ASCC3: variants seen among roughly 807,000 people sequenced by gnomAD.
The protein encoded by ASCC3 is ASC-1 complex subunit P200.
A neutral mutation model predicts 256.3 loss-of-function variants in ASCC3; 158 were observed. That is an observed-to-expected ratio of 0.62 (90% CI 0.54 to 0.70). ASCC3 has a LOEUF of 0.70. Among genes scored for constraint, ASCC3 ranks in the 30% least tolerant of loss-of-function variants. The probability of loss-of-function intolerance (pLI) is 0.00; values close to 1 mark genes in which losing one functional copy is unlikely to be tolerated. For missense variants in ASCC3, 2,259 were observed against 2,626.0 expected (o/e 0.86, Z 3.05); for synonymous variants, 948 against 883.4 (o/e 1.07, Z -1.30).
chr6:100,812,085 A>C (rs1429534700), intron 4 of ASCC3, among the ~76,000 whole-genome samples: 1 of 152,170 alleles, frequency 6.6e-6, no homozygotes, highest in Non-Finnish European at 1.5e-5. Flanking sequence ...CAACATCAGA[A>C]GCTTAATACT....
chr6:100,630,865 T>C (rs1774505408), intron 26 of ASCC3, among the ~76,000 whole-genome samples: 1 of 152,092 alleles, frequency 6.6e-6, no homozygotes, highest in South Asian at 2.1e-4. Context: ...GAAAAAGTTA[T>C]CCTGCCAAAT....
At chr6:100,811,427 T>G (rs895146499) in intron 4 of ASCC3, among the ~76,000 whole-genome samples, 2 of 152,116 alleles carry the variant, frequency 1.3e-5, no homozygotes, top group East Asian at 1.9e-4. Flanking sequence ...TGATCAGAAT[T>G]TATTCTTTAT....
intron 24 of ASCC3, among the ~76,000 whole-genome samples, chr6:100,639,161 T>G (rs1774991890): frequency 6.6e-6 from 1 of 152,212 alleles, no homozygotes; most frequent in African/African-American, 2.4e-5. Context: ...GTAAAAAAAT[T>G]AAAACCATTT....
chr6:100,566,321 G>C (rs935305409), intron 36 of ASCC3, among the ~76,000 whole-genome samples: 4 of 152,122 alleles, frequency 2.6e-5, no homozygotes, highest in Non-Finnish European at 4.4e-5. Context: ...GGATTAAATA[G>C]CTTGCCAGTT....
chr6:100,733,296 T>C (rs1779993065), intron 10 of ASCC3, among the ~76,000 whole-genome samples: 1 of 152,162 alleles, frequency 6.6e-6, no homozygotes, highest in South Asian at 2.1e-4. Flanking sequence ...TCTTGTTCAG[T>C]GAAATTTGTT....
chr6:100,775,151 T>C (rs1036550862), intron 8 of ASCC3, among the ~76,000 whole-genome samples: 1 of 152,142 alleles, frequency 6.6e-6, no homozygotes, highest in African/African-American at 2.4e-5. Flanking sequence ...GGGATGTAAC[T>C]GTGACCAAAA....
intron 36 of ASCC3, among the ~76,000 whole-genome samples, chr6:100,562,502 T>C (rs1178812407): frequency 2.0e-5 from 3 of 152,118 alleles, no homozygotes; most frequent in East Asian, 1.9e-4. Context: ...AAGTGATCTA[T>C]TGTTTGACAA....
intron 4 of ASCC3, among the ~76,000 whole-genome samples, chr6:100,844,985 T>C (rs1193015782): frequency 6.6e-6 from 1 of 152,270 alleles, no homozygotes; most frequent in East Asian, 1.9e-4. Context: ...AAAAGTTTCA[T>C]CCTTTTATTT....
Position 100,647,459 on chromosome 6 carries a change from A to C in ASCC3, c.3253-8T>G. On this transcript the variant is annotated splice_region_variant and splice_polypyrimidine_tract_variant and intron_variant, in intron 20 of 41. Coordinates refer to ENST00000369162, the MANE Select transcript of ASCC3 (RefSeq NM_006828.4). ...GACAATTCTAGCTGCATTCTAAAAA[A>C]TTATAGGAGGAGATTGGTGGTTATA... 4.4e-6 allele frequency: 7 copies of C among 1,608,974 alleles called. No homozygotes were observed. The highest frequency in any genetic ancestry group is 6.0e-6 in the Non-Finnish European group (7 of 1,175,358).
chr6:100,586,316 G>A (rs565565225), intron 36 of ASCC3, among the ~76,000 whole-genome samples: 28 of 152,272 alleles, frequency 1.8e-4, no homozygotes, highest in African/African-American at 4.8e-4. Flanking sequence ...CCTTGCTGCC[G>A]CCTTGCAGTT....
At chr6:100,734,993 G>A (rs1319097814) in intron 10 of ASCC3, among the ~76,000 whole-genome samples, 1 of 151,642 alleles carries the variant, frequency 6.6e-6, no homozygotes, top group African/African-American at 2.4e-5. Flanking sequence ...CATAGAGCAG[G>A]GTATAAAAAG....
chr6:100,531,335 C>T (rs1774862898), intron 37 of ASCC3, among the ~76,000 whole-genome samples: 1 of 152,106 alleles, frequency 6.6e-6, no homozygotes, highest in Admixed American at 6.5e-5. Context: ...CCCATAAGTC[C>T]TAGAAGCTTT....
At chr6:100,699,270 C>G (rs891024673) in intron 13 of ASCC3, among the ~76,000 whole-genome samples, 1 of 152,072 alleles carries the variant, frequency 6.6e-6, no homozygotes, top group Non-Finnish European at 1.5e-5. Context: ...GTGGGTCTTT[C>G]CTGTGCTGTT....
At chr6:100,779,308 G>T (rs984518119) in intron 8 of ASCC3, among the ~76,000 whole-genome samples, 1 of 151,868 alleles carries the variant, frequency 6.6e-6, no homozygotes, top group Non-Finnish European at 1.5e-5. Context: ...GCTGAAGTTG[G>T]TCTCAAACTC....
chr6:100,870,309 A>C (rs1230251698), intron 1 of ASCC3, among the ~76,000 whole-genome samples: 1 of 151,828 alleles, frequency 6.6e-6, no homozygotes, highest in East Asian at 1.9e-4. Context: ...GGTAGCAGTG[A>C]GCCAAGATGG....
intron 34 of ASCC3, among the ~76,000 whole-genome samples, chr6:100,591,644 G>A (rs962897388): frequency 6.6e-6 from 1 of 151,940 alleles, no homozygotes; most frequent in Admixed American, 6.6e-5. Flanking sequence ...AAATCTGTCT[G>A]CCTTGATCTT....
At chr6:100,847,488 T>C (rs975009434) in intron 4 of ASCC3, among the ~76,000 whole-genome samples, 26 of 152,164 alleles carry the variant, frequency 1.7e-4, no homozygotes, top group African/African-American at 6.3e-4. Flanking sequence ...TTCTCTAAAT[T>C]AATTTTTCTC....
chr6:100,696,630 A>C (rs1778095678), intron 13 of ASCC3, among the ~76,000 whole-genome samples: 2 of 152,018 alleles, frequency 1.3e-5, no homozygotes, highest in Admixed American at 1.3e-4. Context: ...CTCCCAATGG[A>C]TGTTTAGAGA....
At chr6:100,630,120 T>A (rs997051428) in intron 26 of ASCC3, among the ~76,000 whole-genome samples, 2 of 151,836 alleles carry the variant, frequency 1.3e-5, no homozygotes, top group African/African-American at 4.8e-5. Context: ...CAACTCCTTT[T>A]CTCAGGTGAT....
Sources: allele counts gnomAD v4.1 joint callset (sites outside exome capture counted in the v4.1 genomes callset), GRCh38; gene constraint gnomAD v4.1.1; transcripts MANE v1.5; gene names NCBI Gene and HGNC (gene_info 2026-07-23, HGNC 2026-07-21).